Variants in PCDHA6 observed in about 807,000 individuals in gnomAD.
PCDHA6 encodes protocadherin alpha 6.
PCDHA6 carries 55 observed loss-of-function variants against 60.3 expected under a neutral mutation model. That is an observed-to-expected ratio of 0.91 (90% CI 0.73 to 1.14). The LOEUF is 1.14. Among genes scored for constraint, PCDHA6 ranks in the 50% most tolerant of loss-of-function variants. The pLI, the probability that PCDHA6 is intolerant of heterozygous loss-of-function variation, is 0.00. For missense variants in PCDHA6, 1,327 were observed against 1,256.5 expected, an observed-to-expected ratio of 1.06 and a Z score of -0.85; for synonymous variants, 652 against 557.9, an observed-to-expected ratio of 1.17 and a Z score of -2.38.
At chr5:140,988,698 A>AT (rs782470160) in intron 3 of PCDHA6, among the ~76,000 whole-genome samples, 115 of 152,234 alleles carry the variant, frequency 7.6e-4, no homozygotes, top group Middle Eastern at 6.8e-3. Flanking sequence ...GACGCTCTGT[A>AT]TTTTCTTGGA....
intron 1 of PCDHA6, among the ~76,000 whole-genome samples, chr5:140,922,947 C>A (rs533564361): frequency 6.6e-6 from 1 of 152,178 alleles, no homozygotes; most frequent in South Asian, 2.1e-4. Context: ...AATGGAAATC[C>A]AGTTTGTCTT....
At chr5:140,854,067 C>T (rs2042967096) in intron 1 of PCDHA6, 1 of 266,958 alleles carries the variant, frequency 3.7e-6, no homozygotes, top group Non-Finnish European at 5.7e-6. Context: ...GAGGCTGAGG[C>T]GAGAGAATCG....
At chr5:140,927,090 C>T (rs368092094) in intron 1 of PCDHA6, 34 of 1,612,532 alleles carry the variant, frequency 2.1e-5, no homozygotes, top group Non-Finnish European at 1.4e-5. Flanking sequence ...AGCTCTACTT[C>T]GGGGTGGATC....
At chr5:140,966,522 G>A (rs1350046535) in intron 1 of PCDHA6, 2 of 437,040 alleles carry the variant, frequency 4.6e-6, no homozygotes, top group Non-Finnish European at 7.9e-6. Flanking sequence ...GCAGGAAGCC[G>A]AGCCGGGTTG....
At chr5:140,992,017 C>CTGTGTGTGTGTGTG (rs10602499) in intron 3 of PCDHA6, among the ~76,000 whole-genome samples, 1 of 145,628 alleles carries the variant, frequency 6.9e-6, no homozygotes, top group African/African-American at 2.5e-5. Flanking sequence ...AGAGGTGGCT[C>CTGTGTGTGTGTGTG]TGTGTGTGTG....
chr5:141,001,764 G>A (rs1186356180), intron 3 of PCDHA6, among the ~76,000 whole-genome samples: 1 of 152,160 alleles, frequency 6.6e-6, no homozygotes, highest in East Asian at 1.9e-4. Context: ...GATGGCGGAT[G>A]GTTTTTGCCT....
intron 3 of PCDHA6, among the ~76,000 whole-genome samples, chr5:140,993,088 CTA>C (rs1420227988): frequency 6.6e-6 from 1 of 152,202 alleles, no homozygotes; most frequent in Non-Finnish European, 1.5e-5. Flanking sequence ...ATCAGCAGGG[CTA>C]TGTTTATTCA....
At chr5:140,988,761 A>G (rs1320753301) in intron 3 of PCDHA6, among the ~76,000 whole-genome samples, 1 of 152,218 alleles carries the variant, frequency 6.6e-6, no homozygotes, top group Non-Finnish European at 1.5e-5. Context: ...TGGGCAGAAT[A>G]CAGTCATGGT....
chr5:140,950,820 AG>A (rs1429119954), intron 1 of PCDHA6, among the ~76,000 whole-genome samples: 2 of 152,088 alleles, frequency 1.3e-5, no homozygotes, highest in Non-Finnish European at 2.9e-5. Context: ...GTAGGGTTAA[AG>A]TTTGGTCCTT....
rs1247587764 is a variant in PCDHA6 at position 140,883,158 on chromosome 5, C to T, written c.2394+52673C>T. ...GTGGTATATGCATTTACCATAAATC[C>T]GAACAATGGAGAAATTAGGACAAAA... On this transcript the variant is annotated intron_variant, in intron 1 of 3. Coordinates refer to ENST00000529310, the MANE Select transcript of PCDHA6 (RefSeq NM_018909.4). The T allele has an allele frequency of 1.9e-6, 3 of 1,613,592 alleles. No individual in the cohort carries two copies. In the African/African-American group the frequency reaches 4.0e-5, roughly 22 times the overall value.
chr5:140,929,033 G>A (rs2085746479), intron 1 of PCDHA6: 1 of 1,614,186 alleles, frequency 6.2e-7, no homozygotes, highest in Non-Finnish European at 8.5e-7. Flanking sequence ...CCAGGCTGTT[G>A]CGCTCAGAGC....
intron 1 of PCDHA6, chr5:140,883,813 C>CA (rs2059834466): frequency 6.2e-7 from 1 of 1,612,382 alleles, no homozygotes; most frequent in Non-Finnish European, 8.5e-7. Context: ...CGGAGAGCGG[C>CA]AAGGTGTACG....
At chr5:140,859,454 C>G (rs1400169609) in intron 1 of PCDHA6, 1 of 217,780 alleles carries the variant, frequency 4.6e-6, no homozygotes, top group South Asian at 1.1e-4. Context: ...TGCAGAGTGA[C>G]AAAACTACAC....
intron 3 of PCDHA6, among the ~76,000 whole-genome samples, chr5:141,002,246 C>T (rs1217451636): frequency 6.6e-6 from 1 of 152,190 alleles, no homozygotes; most frequent in Non-Finnish European, 1.5e-5. Flanking sequence ...CTTTATTAAC[C>T]TCAGCACTGA....
intron 1 of PCDHA6, among the ~76,000 whole-genome samples, chr5:140,911,760 A>G (rs1295639313): frequency 6.6e-6 from 1 of 151,962 alleles, no homozygotes; most frequent in African/African-American, 2.4e-5. Flanking sequence ...TCTCCATACT[A>G]TTAGAAGTAC....
chr5:140,866,864 G>T (rs1217408755), intron 1 of PCDHA6: 1 of 152,050 alleles, frequency 6.6e-6, no homozygotes, highest in African/African-American at 2.4e-5. Context: ...GTATTGAAAT[G>T]ACTTCTTGGT....
At chr5:140,876,169 C>G in intron 1 of PCDHA6, 1 of 1,613,916 alleles carries the variant, frequency 6.2e-7, no homozygotes, top group African/African-American at 1.3e-5. Context: ...AATAACCGTC[C>G]TGGATGTGAA....
Position 140,943,601 on chromosome 5 carries a change from T to C in PCDHA6, c.2395-35348T>C, listed in dbSNP as rs148231077. ...TCTGAGTGGGGCTGAATTCTAAATA[T>C]AGACTTTGATTCATCTGCATAAGGA... On this transcript the variant is annotated intron_variant, in intron 1 of 3. Coordinates refer to ENST00000529310, the MANE Select transcript of PCDHA6 (RefSeq NM_018909.4). Among the ~76,000 whole-genome samples the C allele has an allele frequency of 1.9e-3, 291 of 152,290 alleles. 2 individuals carry two copies. The highest frequency in any genetic ancestry group is 6.6e-3 in the African/African-American group (276 of 41,566).
chr5:140,857,610 C>T (rs1436552212), intron 1 of PCDHA6: 2 of 1,596,344 alleles, frequency 1.3e-6, no homozygotes, highest in South Asian at 2.2e-5. Flanking sequence ...GCGCTGCAGC[C>T]GCTGGACCAC....
Sources: allele counts gnomAD v4.1 joint callset (sites outside exome capture counted in the v4.1 genomes callset), GRCh38; gene constraint gnomAD v4.1.1; transcripts MANE v1.5; gene names NCBI Gene and HGNC (gene_info 2026-07-23, HGNC 2026-07-21).